Variants in USF3 observed in about 807,000 individuals in gnomAD.
USF3 encodes the protein upstream transcription factor family member 3, also known as basic helix-loop-helix domain-containing protein USF3.
Under a neutral mutation model 157.5 loss-of-function variants are expected in USF3, and 29 were observed. The observed-to-expected ratio is 0.18, with a 90% CI of 0.14 to 0.25. USF3 has a LOEUF of 0.25. USF3 is among the 10% of genes least tolerant of loss of function. The pLI, the probability that USF3 is intolerant of heterozygous loss-of-function variation, is 1.00. For missense variants in USF3, 2,381 were observed against 2,667.6 expected, an observed-to-expected ratio of 0.89 and a Z score of 2.37; for synonymous variants, 893 against 941.4, an observed-to-expected ratio of 0.95 and a Z score of 0.94.
intron 1 of USF3, among the ~76,000 whole-genome samples, chr3:113,680,843 TGTTTTC>T (rs1489437910): frequency 2.6e-5 from 4 of 152,180 alleles, no homozygotes; most frequent in Non-Finnish European, 4.4e-5. Context: ...ATTTTGTTTT[TGTTTTC>T]ATTTCAATTT....
chr3:113,682,492 T>C (rs947242011), intron 1 of USF3, among the ~76,000 whole-genome samples: 1 of 152,160 alleles, frequency 6.6e-6, no homozygotes, highest in Non-Finnish European at 1.5e-5. Context: ...ATTTGGTCAA[T>C]AGTGCAAATA....
In USF3 at chr3:113,650,259, T is replaced by C; in HGVS notation, c.*4685A>G. ...AACCAAACCAAGGGACAGAGCTATATGGCACACTGAAATATTTTAAATCAA... is the reference window on the plus strand; with the variant it reads ...AACCAAACCAAGGGACAGAGCTATACGGCACACTGAAATATTTTAAATCAA... On this transcript the variant is annotated 3_prime_UTR_variant, in exon 7 of 7. Transcript: ENST00000316407. 5.9e-6 allele frequency: 1 copy of C among 170,446 alleles called. No homozygotes were observed. The highest frequency in any genetic ancestry group is 1.2e-5 in the Non-Finnish European group (1 of 80,452). The allele number at this position is 170,446 out of a possible 1,614,324, so 10.6% of individuals were successfully genotyped here.
Position 113,659,231 on chromosome 3 carries a change from G to A in USF3, c.2451C>T (p.Val817=). 1 of 1,614,158 alleles carries A rather than the reference G, an allele frequency of 6.2e-7. No individual in the cohort carries two copies. Among genetic ancestry groups the A allele is most frequent in the South Asian group, 1.1e-5 (1 of 91,070 alleles). ...GGCAGTCTAACTTGCTCACATCTCT[G>A]ACTGAATTCAGGGGACACGCTGACT... ...ANKSACPLNS[V]RDVSKLDCPN... is the part of the protein sequence containing the mutation. The change falls in exon 7 of 7, where the codon GTC becomes GTT. Residue 817 remains valine, a synonymous_variant. Transcript: ENST00000316407.
chr3:113,658,145 C>T lies in USF3; in HGVS notation c.3537G>A (p.Gln1179=), dbSNP rs1184967213. The stretch of plus-strand genomic sequence containing the variant: ...GTCCTGTGCCACTCTCTTTAGGTAT[C>T]TGTGATTTGAAGGGTGGGTCTCCCT... ...LLEGDPPFKS[Q]IPKESGTGQA... is the part of the protein sequence containing the mutation. The change falls in exon 7 of 7, where the codon CAG becomes CAA. Residue 1179 remains glutamine, a synonymous_variant. Transcript: ENST00000316407. 3 of 1,614,128 alleles carry T rather than the reference C, an allele frequency of 1.9e-6. No homozygotes were observed. Among genetic ancestry groups the T allele is most frequent in the East Asian group, 2.2e-5 (1 of 44,884 alleles).
chr3:113,674,744 C>G, intron 3 of USF3, 88 bp downstream of exon 3: 2 of 980,752 alleles, frequency 2.0e-6, no homozygotes, highest in East Asian at 4.8e-5. Context: ...AATAAAAGTT[C>G]TCTAAGGACT....
In USF3 at chr3:113,688,856, T is replaced by C. The variant is rs560855913; in HGVS notation, c.-135+7514A>G. Among the ~76,000 whole-genome samples the C allele has an allele frequency of 2.6e-5, 4 of 152,006 alleles. No homozygotes were observed. The East Asian group carries it at 7.8e-4, about 30-fold the overall frequency. ...GAGATTGAGACCATCCTGGTTAACA[T>C]GGTGAAACCCCGTCTCTACTGAAAA... On this transcript the variant is annotated intron_variant, in intron 1 of 6. Coordinates refer to ENST00000316407, the MANE Select transcript of USF3 (RefSeq NM_001009899.4).
chr3:113,666,568 C>CTTTTTTTTTT (rs775533373), intron 5 of USF3, among the ~76,000 whole-genome samples: 1 of 109,108 alleles, frequency 9.2e-6, no homozygotes, highest in Non-Finnish European at 1.9e-5. Flanking sequence ...TTATTGTTTC[C>CTTTTTTTTTT]TTTTTTTTTT....
At position 113,650,643 on chromosome 3, in the gene USF3, A is replaced by T. The variant is rs1010307477; in HGVS notation, c.*4301T>A. 1.3e-5 allele frequency: 2 copies of T among 152,320 alleles called. No homozygotes were observed. Among genetic ancestry groups the T allele is most frequent in the Non-Finnish European group, 2.9e-5 (2 of 68,018 alleles). 9.4% of individuals were successfully genotyped at this position (152,320 alleles called of 1,614,324 possible). A position where few individuals can be genotyped will look rare whatever the true frequency, so the allele number is the denominator to read the frequency against. On this transcript the variant is annotated 3_prime_UTR_variant, in exon 7 of 7. Coordinates refer to ENST00000316407, the MANE Select transcript of USF3 (RefSeq NM_001009899.4). ...GTGCTTCCACATTTTTTGGAGTATA[A>T]GTTTTAGCCTCTCCATGAAATGGCT...
In USF3 at chr3:113,650,519, T is replaced by A. The variant is rs1411366091; in HGVS notation, c.*4425A>T. ...TTGACATGGAGCAGATGGAAGAGCA[T>A]AAGTGCCTACCTATCAAAGGGAAGA... On this transcript the variant is annotated 3_prime_UTR_variant, in exon 7 of 7. Coordinates refer to ENST00000316407, the MANE Select transcript of USF3 (RefSeq NM_001009899.4). The A allele has an allele frequency of 6.6e-6, 1 of 152,148 alleles. No homozygotes were observed. The highest frequency in any genetic ancestry group is 2.4e-5 in the African/African-American group (1 of 41,424). 9.4% of individuals were successfully genotyped at this position (152,148 alleles called of 1,614,324 possible).
In USF3 at chr3:113,664,308, T is replaced by G. The variant is rs375108743; in HGVS notation, c.256+5A>C. On this transcript the variant is annotated splice_donor_5th_base_variant and intron_variant, in intron 6 of 6. Transcript: ENST00000316407. ...AACAAAAAGTAAGAACTTTTAAATCTTTACCTTGTTCATTGTTTCCTCCAT... is the reference window on the plus strand; with the variant it reads ...AACAAAAAGTAAGAACTTTTAAATCGTTACCTTGTTCATTGTTTCCTCCAT... 2.6e-6 allele frequency: 4 copies of G among 1,545,760 alleles called. No homozygotes were observed. The African/African-American group carries it at 5.5e-5, about 21-fold the overall frequency.
intron 2 of USF3, among the ~76,000 whole-genome samples, chr3:113,675,762 CACAGCT>C (rs1257351171): frequency 1.3e-5 from 2 of 152,158 alleles, no homozygotes; most frequent in East Asian, 3.9e-4. Flanking sequence ...TTAATTGAGT[CACAGCT>C]CCACAGTGCT....
intron 1 of USF3, among the ~76,000 whole-genome samples, chr3:113,681,378 G>T (rs1181298425): frequency 6.6e-6 from 1 of 151,954 alleles, no homozygotes; most frequent in African/African-American, 2.4e-5. Context: ...TTTCATTTAA[G>T]AAATTTTTTA....
Position 113,655,896 on chromosome 3 carries a change from T to C in USF3, c.5786A>G (p.His1929Arg). 6.2e-7 allele frequency: 1 copy of C among 1,614,196 alleles called. No individual in the cohort carries two copies. Among genetic ancestry groups the C allele is most frequent in the Non-Finnish European group, 8.5e-7 (1 of 1,180,034 alleles). ...AGGGTTCATGTGGCCCTTGGTGGCA[T>C]GACTCTCAGTAATCCTCATGGGATT... ...KSNPMRITES[H>R]ATKGHMNPPV... The change falls in exon 7 of 7, where the codon CAT becomes CGT. Residue 1929 changes from histidine to arginine, a missense_variant. This residue lies in a region of USF3 where 770 missense variants were observed against 824.2 expected (regional missense o/e 0.93). Transcript: ENST00000316407.
At chr3:113,694,827 C>G (rs1707765104) in intron 1 of USF3, among the ~76,000 whole-genome samples, 1 of 152,212 alleles carries the variant, frequency 6.6e-6, no homozygotes. Flanking sequence ...GGCGGATCAC[C>G]TGAGGTCAGG....
rs894444883 is a variant in USF3 at position 113,660,560 on chromosome 3, T to A, written c.1122A>T (p.Ser374=). The A allele has an allele frequency of 6.2e-7, 1 of 1,614,200 alleles. No individual in the cohort carries two copies. The highest frequency in any genetic ancestry group is 8.5e-7 in the Non-Finnish European group (1 of 1,180,028). ...DLTSTATVVA[S]SAPGVGKATI... ...TGGCCTTCCCTACTCCAGGGGCAGA[T>A]GATGCCACCACTGTAGCTGTACTTG... Residue 374 remains serine, a synonymous_variant, in exon 7 of 7, where the codon TCA becomes TCT. Coordinates refer to ENST00000316407, the MANE Select transcript of USF3 (RefSeq NM_001009899.4).
rs1340729735 is a variant in USF3 at position 113,650,241 on chromosome 3, C to T, written c.*4703G>A. On this transcript the variant is annotated 3_prime_UTR_variant, in exon 7 of 7. Coordinates refer to ENST00000316407, the MANE Select transcript of USF3 (RefSeq NM_001009899.4). ...ACAGGAAAAAACAAGGCCAACCAAA[C>T]CAAGGGACAGAGCTATATGGCACAC... The T allele has an allele frequency of 1.0e-5, 2 of 194,388 alleles. No individual in the cohort carries two copies. Among genetic ancestry groups the T allele is most frequent in the Non-Finnish European group, 2.1e-5 (2 of 95,976 alleles). The allele number at this position is 194,388 out of a possible 1,614,324, so 12.0% of individuals were successfully genotyped here.
rs1400894332 is a variant in USF3, at chr3:113,659,275, T to C, written c.2407A>G (p.Lys803Glu). The C allele has an allele frequency of 6.2e-7, 1 of 1,614,112 alleles. No homozygotes were observed. Among genetic ancestry groups the C allele is most frequent in the African/African-American group, 1.3e-5 (1 of 74,948 alleles). Residue 803 changes from lysine to glutamate, a missense_variant, in exon 7 of 7, where the codon AAA becomes GAA. By Grantham distance (56) the Lys-to-Glu change is moderately conservative. Around this residue, in one of 6 missense-constraint regions of USF3, gnomAD observed 1,435 missense variants for 1,550.9 expected, o/e 0.93. Coordinates refer to ENST00000316407, the MANE Select transcript of USF3 (RefSeq NM_001009899.4). ...GCTGACTTGTTTGCTGCTAAGTGTT[T>C]CCTGCCACCTGGCTTCTTATTCAAC... ...KRLNKKPGGRKHLAANKSACP... is the reference protein window; with the variant it reads ...KRLNKKPGGREHLAANKSACP...
In USF3 at chr3:113,650,584, T is replaced by A. The variant is rs375601565; in HGVS notation, c.*4360A>T. ...TGCATATTCATAAGATTTTACCCTT[T>A]CTCAAAATTTTTTAATTTTACTCCC... On this transcript the variant is annotated 3_prime_UTR_variant, in exon 7 of 7. Transcript: ENST00000316407. 2 of 152,206 alleles carry A rather than the reference T, an allele frequency of 1.3e-5. No homozygotes were observed. Among genetic ancestry groups the A allele is most frequent in the South Asian group, 2.1e-4 (1 of 4,824 alleles). 9.4% of individuals were successfully genotyped at this position (152,206 alleles called of 1,614,324 possible).
Position 113,653,695 on chromosome 3 carries a change from A to T in USF3, c.*1249T>A, listed in dbSNP as rs1947305044. The T allele has an allele frequency of 6.6e-6, 1 of 151,812 alleles. No homozygotes were observed. The highest frequency in any genetic ancestry group is 2.1e-4 in the South Asian group (1 of 4,820). 9.4% of individuals were successfully genotyped at this position (151,812 alleles called of 1,614,324 possible). On this transcript the variant is annotated 3_prime_UTR_variant, in exon 7 of 7. Coordinates refer to ENST00000316407, the MANE Select transcript of USF3 (RefSeq NM_001009899.4). ...TCTCAATTTCCCATTTTCAGATGGC[A>T]GGCCTGTTTTTAAAGGACCAATTCA... is the stretch of plus-strand genomic sequence containing the variant.
Sources: allele counts gnomAD v4.1 joint callset (sites outside exome capture counted in the v4.1 genomes callset), GRCh38; gene constraint gnomAD v4.1.1; regional missense constraint gnomAD v4.1.1; transcripts MANE v1.5; gene names NCBI Gene and HGNC (gene_info 2026-07-23, HGNC 2026-07-21).